Variants in SPMIP7 observed in about 807,000 individuals in gnomAD.
SPMIP7 encodes the protein protein SPMIP7.
the SPMIP7 span, among the ~76,000 whole-genome samples, chr7:50,125,591 T>A: frequency 7.0e-6 from 1 of 143,660 alleles, no homozygotes; most frequent in Admixed American, 6.8e-5. Context: ...ATATGGTGTG[T>A]GTGTGTGTGT....
the SPMIP7 span, among the ~76,000 whole-genome samples, chr7:50,102,066 G>C: frequency 6.6e-6 from 1 of 152,238 alleles, no homozygotes; most frequent in Non-Finnish European, 1.5e-5. Context: ...GCTCACGCCT[G>C]TAATCCCAGC....
chr7:50,137,417 A>T, the SPMIP7 span, among the ~76,000 whole-genome samples: 1 of 152,152 alleles, frequency 6.6e-6, no homozygotes. Flanking sequence ...TGTGCCAAAA[A>T]TTATTCATCC....
the SPMIP7 span, chr7:50,159,253 G>A: frequency 7.0e-7 from 1 of 1,434,372 alleles, no homozygotes; most frequent in Non-Finnish European, 9.4e-7. Context: ...GCTTCTCCGC[G>A]CTGCGCAGTG....
the SPMIP7 span, among the ~76,000 whole-genome samples, chr7:50,103,065 TA>T: frequency 7.4e-6 from 1 of 135,730 alleles, no homozygotes; most frequent in Non-Finnish European, 1.6e-5. Flanking sequence ...TATATATATA[TA>T]ATATATATAA....
At chr7:50,102,295 G>T in the SPMIP7 span, among the ~76,000 whole-genome samples, 39 of 152,314 alleles carry the variant, frequency 2.6e-4, no homozygotes, top group African/African-American at 9.1e-4. Context: ...CTGCACTCCA[G>T]CCTGGGCAAC....
At chr7:50,112,433 C>T in the SPMIP7 span, among the ~76,000 whole-genome samples, 3,369 of 152,140 alleles carry the variant, frequency 0.022, 50 homozygotes, top group Middle Eastern at 0.044. Context: ...CCCCTGACCT[C>T]ACCCACTAGA....
chr7:50,144,419 G>A, the SPMIP7 span, among the ~76,000 whole-genome samples: 1 of 152,126 alleles, frequency 6.6e-6, no homozygotes, highest in Non-Finnish European at 1.5e-5. Flanking sequence ...ATGTAAGATT[G>A]AAATATGCAC....
chr7:50,152,888 T>C, the SPMIP7 span, among the ~76,000 whole-genome samples: 2 of 152,212 alleles, frequency 1.3e-5, no homozygotes, highest in East Asian at 1.9e-4. Flanking sequence ...GGTTTCCCCA[T>C]GTTGGCCAGG....
the SPMIP7 span, chr7:50,141,661 C>T: frequency 2.2e-5 from 6 of 275,896 alleles, no homozygotes; most frequent in African/African-American, 6.5e-5. Context: ...GCAAGGTGAT[C>T]GTGGGGGGAT....
the SPMIP7 span, among the ~76,000 whole-genome samples, chr7:50,152,066 G>A: frequency 6.6e-6 from 1 of 152,194 alleles, no homozygotes; most frequent in African/African-American, 2.4e-5. Context: ...CAGGAGATGT[G>A]GCCAGGCATG....
At chr7:50,139,118 A>G in the SPMIP7 span, among the ~76,000 whole-genome samples, 1 of 152,072 alleles carries the variant, frequency 6.6e-6, no homozygotes, top group Non-Finnish European at 1.5e-5. Flanking sequence ...TGGGAGGCCG[A>G]GGCAGGCAGA....
chr7:50,125,277 CATATATACACAT>C, the SPMIP7 span, among the ~76,000 whole-genome samples: 11 of 132,760 alleles, frequency 8.3e-5, no homozygotes, highest in African/African-American at 1.8e-4. Flanking sequence ...TATATATACA[CATATATACACAT>C]ATATATACAC....
chr7:50,103,102 G>C, the SPMIP7 span, among the ~76,000 whole-genome samples: 2 of 149,618 alleles, frequency 1.3e-5, no homozygotes, highest in African/African-American at 2.4e-5. Flanking sequence ...ATCTGTGATA[G>C]AGCTGCACCA....
At chr7:50,129,010 C>T in the SPMIP7 span, among the ~76,000 whole-genome samples, 7 of 151,852 alleles carry the variant, frequency 4.6e-5, no homozygotes, top group African/African-American at 1.2e-4. Context: ...AATACATCCT[C>T]GAAGTCAATG....
At chr7:50,119,915 A>G in the SPMIP7 span, among the ~76,000 whole-genome samples, 1 of 152,204 alleles carries the variant, frequency 6.6e-6, no homozygotes, top group East Asian at 1.9e-4. Context: ...GGGACCACAC[A>G]CAGAAAATAA....
the SPMIP7 span, among the ~76,000 whole-genome samples, chr7:50,137,015 C>T: frequency 6.6e-6 from 1 of 151,948 alleles, no homozygotes; most frequent in East Asian, 1.9e-4. Flanking sequence ...TGGAGCATGA[C>T]TAGTATTCCG....
the SPMIP7 span, among the ~76,000 whole-genome samples, chr7:50,145,295 C>A: frequency 1.3e-5 from 2 of 150,992 alleles, no homozygotes; most frequent in East Asian, 2.0e-4. Flanking sequence ...TTTTTCAAAT[C>A]TGTTGTTTTT....
chr7:50,097,683 TA>T, the SPMIP7 span, among the ~76,000 whole-genome samples: 8,031 of 142,188 alleles, frequency 0.056, 222 homozygotes, highest in South Asian at 0.084. Flanking sequence ...CATTTTATGT[TA>T]AAAAAAAAAA....
chr7:50,122,955 T>C, the SPMIP7 span, among the ~76,000 whole-genome samples: 1 of 148,752 alleles, frequency 6.7e-6, no homozygotes, highest in East Asian at 2.0e-4. Flanking sequence ...AGGAACACTT[T>C]TACACTGTTG....
Sources: allele counts gnomAD v4.1 joint callset (sites outside exome capture counted in the v4.1 genomes callset), GRCh38; gene constraint gnomAD v4.1.1; transcripts MANE v1.5; gene names NCBI Gene and HGNC (gene_info 2026-07-23, HGNC 2026-07-21).